The following GRB10 variants were observed in gnomAD, a reference collection of about 807,000 sequenced individuals.
GRB10 encodes growth factor receptor-bound protein 10.
Under a neutral mutation model 80.9 loss-of-function variants are expected in GRB10, and 20 were observed. The ratio of observed to expected loss-of-function variants is 0.25; its 90% CI spans 0.17 to 0.36. The LOEUF is 0.36. GRB10 is among the 10% of genes least tolerant of loss of function. The probability of loss-of-function intolerance (pLI) is 1.00; values close to 1 mark genes in which losing one functional copy is unlikely to be tolerated. For synonymous variants in GRB10, 291 were observed against 291.5 expected, an observed-to-expected ratio of 1.00 and a Z score of 0.02; for missense variants, 548 against 747.7, an observed-to-expected ratio of 0.73 and a Z score of 3.12.
intron 18 of GRB10, 77 bp from the exon 19 acceptor site, chr7:50,593,175 A>G: frequency 6.6e-7 from 1 of 1,509,406 alleles, no homozygotes; most frequent in Non-Finnish European, 9.2e-7. Flanking sequence ...GGCCAGCAGC[A>G]GCTACATCTG....
chr7:50,760,028 T>C (rs1489011868), intron 2 of GRB10, among the ~76,000 whole-genome samples: 1 of 152,156 alleles, frequency 6.6e-6, no homozygotes, highest in African/African-American at 2.4e-5. Context: ...TAATCCTCAG[T>C]GTGGGGCCTC....
At chr7:50,619,584 CTTAAA>C (rs908368771) in intron 8 of GRB10, among the ~76,000 whole-genome samples, 4 of 152,084 alleles carry the variant, frequency 2.6e-5, no homozygotes, top group African/African-American at 9.7e-5. Context: ...TGATTTTGCC[CTTAAA>C]TTGAGAAATT....
intron 7 of GRB10, among the ~76,000 whole-genome samples, chr7:50,655,566 C>T (rs539765787): frequency 6.6e-6 from 1 of 152,210 alleles, no homozygotes; most frequent in Non-Finnish European, 1.5e-5. Context: ...TCCAACTTCA[C>T]TCCACTGCCC....
intron 7 of GRB10, among the ~76,000 whole-genome samples, chr7:50,628,531 G>A (rs1015148813): frequency 2.6e-5 from 4 of 151,386 alleles, no homozygotes; most frequent in African/African-American, 9.7e-5. Context: ...TGGGCAGGAA[G>A]GAGTCAATGT....
intron 3 of GRB10, among the ~76,000 whole-genome samples, chr7:50,735,788 C>A (rs555204854): frequency 6.6e-6 from 1 of 152,130 alleles, no homozygotes; most frequent in Non-Finnish European, 1.5e-5. Context: ...TTGGTTTTCT[C>A]TTTTGAAAAA....
Position 50,674,433 on chromosome 7 carries a change from T to C in GRB10, c.362+3A>G. 2 of 1,603,146 alleles carry C rather than the reference T, an allele frequency of 1.2e-6. No homozygotes were observed. Among genetic ancestry groups the C allele is most frequent in the Non-Finnish European group, 1.7e-6 (2 of 1,179,866 alleles). On this transcript the variant is annotated splice_donor_region_variant and intron_variant, in intron 6 of 18. Coordinates refer to ENST00000401949, the MANE Select transcript of GRB10 (RefSeq NM_001350814.2). ...AGGCTCTGCCCATAAGGCCTGGACC[T>C]ACCTGACAGCGAGGATGTGCACAGG... is the stretch of plus-strand genomic sequence containing the variant.
At chr7:50,777,190 GGTGCCTT>G (rs2077749900) in intron 2 of GRB10, among the ~76,000 whole-genome samples, 1 of 152,094 alleles carries the variant, frequency 6.6e-6, no homozygotes, top group Non-Finnish European at 1.5e-5. Flanking sequence ...CTTCCAAGAT[GGTGCCTT>G]GTTGCCACAC....
chr7:50,682,190 G>A (rs985393147), intron 5 of GRB10, among the ~76,000 whole-genome samples: 1 of 152,218 alleles, frequency 6.6e-6, no homozygotes, highest in African/African-American at 2.4e-5. Flanking sequence ...ACCTCAGAAC[G>A]CCTGGAGCAG....
intron 2 of GRB10, among the ~76,000 whole-genome samples, chr7:50,760,030 T>G (rs1190766219): frequency 6.6e-6 from 1 of 152,150 alleles, no homozygotes; most frequent in East Asian, 1.9e-4. Flanking sequence ...ATCCTCAGTG[T>G]GGGGCCTCCA....
intron 8 of GRB10, among the ~76,000 whole-genome samples, chr7:50,619,558 T>C (rs909914495): frequency 2.0e-5 from 3 of 152,230 alleles, no homozygotes; most frequent in Non-Finnish European, 4.4e-5. Context: ...AATGAGCCCG[T>C]AAGACTCTTA....
chr7:50,633,786 A>T (rs1265013767), intron 7 of GRB10, among the ~76,000 whole-genome samples: 6 of 152,214 alleles, frequency 3.9e-5, no homozygotes, highest in African/African-American at 1.4e-4. Context: ...TCAACAATAG[A>T]GTAGACCAAG....
intron 4 of GRB10, among the ~76,000 whole-genome samples, chr7:50,731,774 A>G (rs1402387324): frequency 6.6e-6 from 1 of 152,224 alleles, no homozygotes; most frequent in Non-Finnish European, 1.5e-5. Flanking sequence ...TCAGGAAAGG[A>G]AAGAGCCAAT....
intron 4 of GRB10, among the ~76,000 whole-genome samples, chr7:50,708,822 C>T (rs920035996): frequency 4.6e-5 from 7 of 151,916 alleles, no homozygotes; most frequent in African/African-American, 1.7e-4. Flanking sequence ...ACTACAGGCA[C>T]GCACCACCAC....
intron 5 of GRB10, among the ~76,000 whole-genome samples, chr7:50,691,464 T>C (rs2062806399): frequency 1.3e-5 from 2 of 152,160 alleles, no homozygotes; most frequent in Admixed American, 6.5e-5. Flanking sequence ...CCTCATAGGA[T>C]AGGTAGATTC....
chr7:50,710,929 C>G (rs1039834731), intron 4 of GRB10: 4 of 1,611,126 alleles, frequency 2.5e-6, no homozygotes, highest in Non-Finnish European at 2.5e-6. Context: ...CTCTCCCTCT[C>G]TCTACAGTGG....
At chr7:50,781,626 G>C (rs1360927804) in intron 1 of GRB10, 1 of 152,306 alleles carries the variant, frequency 6.6e-6, no homozygotes, top group East Asian at 1.9e-4. Flanking sequence ...ATAGCCACCT[G>C]TGTGCCGGCT....
intron 6 of GRB10, among the ~76,000 whole-genome samples, chr7:50,671,084 C>T (rs979361603): frequency 1.3e-5 from 2 of 152,332 alleles, no homozygotes; most frequent in South Asian, 2.1e-4. Context: ...TCTGGCACCT[C>T]CCCTCTGTAG....
At chr7:50,660,873 AC>A (rs1167401669) in intron 7 of GRB10, among the ~76,000 whole-genome samples, 2 of 152,068 alleles carry the variant, frequency 1.3e-5, no homozygotes, top group Non-Finnish European at 2.9e-5. Flanking sequence ...TGCAGACCCA[AC>A]CCACTGCAGC....
intron 5 of GRB10, among the ~76,000 whole-genome samples, chr7:50,678,278 A>T (rs2061166593): frequency 6.6e-6 from 1 of 152,218 alleles, no homozygotes; most frequent in South Asian, 2.1e-4. Flanking sequence ...CTCTCCTCTG[A>T]GGTGGATTAT....
Sources: gnomAD v4.1 joint callset for allele counts (sites outside exome capture counted in the v4.1 genomes callset) on GRCh38, gnomAD v4.1.1 for gene constraint, MANE v1.5 for transcripts, NCBI Gene and HGNC (gene_info 2026-07-23, HGNC 2026-07-21) for gene names.